SFSWAP: variants seen among roughly 807,000 people sequenced by gnomAD.
The protein encoded by SFSWAP is splicing factor SWAP.
A neutral mutation model predicts 100.7 loss-of-function variants in SFSWAP; 17 were observed. That is an observed-to-expected ratio of 0.17 (90% CI 0.12 to 0.25). SFSWAP has a LOEUF of 0.25. Ranked by LOEUF, SFSWAP falls within the 10% of genes least tolerant of loss-of-function variation. SFSWAP has a pLI of 1.00. For missense variants in SFSWAP, 1,005 were observed against 1,262.6 expected, an observed-to-expected ratio of 0.80 and a Z score of 3.09; for synonymous variants, 504 against 510.1, an observed-to-expected ratio of 0.99 and a Z score of 0.16.
Position 131,780,411 on chromosome 12 carries a change from G to A in SFSWAP, c.2408+2081G>A, listed in dbSNP as rs1884404906. 1.3e-5 allele frequency among the ~76,000 whole-genome samples: 2 copies of A among 152,222 alleles called. 1 individual carries two copies. Among genetic ancestry groups the A allele is most frequent in the South Asian group, 4.1e-4 (2 of 4,836 alleles). Reference sequence around the variant, plus strand: ...CACACCTGAAATTCCAGTGCTTTGGGAAGCCAAGATGAGAGGATCACTTTG... The same window carrying A: ...CACACCTGAAATTCCAGTGCTTTGGAAAGCCAAGATGAGAGGATCACTTTG... On this transcript the variant is annotated intron_variant, in intron 14 of 17. Coordinates refer to ENST00000261674, the MANE Select transcript of SFSWAP (RefSeq NM_004592.4).
chr12:131,737,026 A>G (rs1173445160), intron 7 of SFSWAP, among the ~76,000 whole-genome samples: 2 of 152,204 alleles, frequency 1.3e-5, no homozygotes, highest in African/African-American at 4.8e-5. Flanking sequence ...ACATAGCCAC[A>G]TAGATACTCA....
chr12:131,790,940 T>G (rs1885190409), intron 15 of SFSWAP, among the ~76,000 whole-genome samples: 1 of 152,214 alleles, frequency 6.6e-6, no homozygotes. Flanking sequence ...CTAGATGCTT[T>G]CTTAAATTCA....
intron 11 of SFSWAP, among the ~76,000 whole-genome samples, chr12:131,758,372 G>C (rs1234516024): frequency 6.7e-6 from 1 of 149,380 alleles, no homozygotes; most frequent in East Asian, 2.0e-4. Context: ...TGAGACACTT[G>C]AACAGAGATC....
chr12:131,732,099 G>A (rs929156878), intron 7 of SFSWAP, among the ~76,000 whole-genome samples: 1 of 151,536 alleles, frequency 6.6e-6, no homozygotes, highest in African/African-American at 2.4e-5. Context: ...TAGTAGAGAC[G>A]GGGTTTCACC....
chr12:131,759,199 G>T (rs1014145052), intron 11 of SFSWAP, among the ~76,000 whole-genome samples: 1 of 152,046 alleles, frequency 6.6e-6, no homozygotes, highest in African/African-American at 2.4e-5. Context: ...GAAAAATATC[G>T]CTTTCTAAGA....
In SFSWAP at chr12:131,730,424, T is replaced by G. The variant is rs1257422460; in HGVS notation, c.1081+1996T>G. ...TTCAGGGCGGGCTGACCTTGATTAT[T>G]TGCTGTGCTAATCACTGGTGGAAGA... On this transcript the variant is annotated intron_variant, in intron 7 of 17. Coordinates refer to ENST00000261674, the MANE Select transcript of SFSWAP (RefSeq NM_004592.4). This position sits in a 1 kb window ranked among gnomAD's most constrained non-coding sequence, Gnocchi z 4.0. 4.6e-5 allele frequency among the ~76,000 whole-genome samples: 7 copies of G among 152,234 alleles called. No homozygotes were observed. Among genetic ancestry groups the G allele is most frequent in the Admixed American group, 4.6e-4 (7 of 15,290 alleles).
At chr12:131,759,188 T>G (rs1252038331) in intron 11 of SFSWAP, among the ~76,000 whole-genome samples, 1 of 152,184 alleles carries the variant, frequency 6.6e-6, no homozygotes, top group Non-Finnish European at 1.5e-5. Context: ...TGAAAATCAG[T>G]GAAAAATATC....
chr12:131,782,096 T>C (rs1333188994), intron 14 of SFSWAP, among the ~76,000 whole-genome samples: 2 of 152,196 alleles, frequency 1.3e-5, no homozygotes, highest in Non-Finnish European at 2.9e-5. Context: ...GAGGATTCCT[T>C]GAGCCCAGGA....
intron 7 of SFSWAP, among the ~76,000 whole-genome samples, chr12:131,737,387 C>T (rs983645666): frequency 3.9e-5 from 6 of 152,204 alleles, no homozygotes; most frequent in African/African-American, 7.2e-5. Context: ...CTCACCTGCC[C>T]GTTTGCGCTG....
intron 15 of SFSWAP, chr12:131,796,957 C>T: frequency 2.1e-6 from 1 of 486,330 alleles, no homozygotes; most frequent in South Asian, 3.9e-5. Context: ...TCTTAAATAC[C>T]ACAAATATTT....
At position 131,754,417 on chromosome 12, in the gene SFSWAP, C is replaced by T; in HGVS notation, c.1372C>T (p.Pro458Ser). 1 of 1,601,862 alleles carries T rather than the reference C, an allele frequency of 6.2e-7. No homozygotes were observed. The highest frequency in any genetic ancestry group is 8.5e-7 in the Non-Finnish European group (1 of 1,175,752). ...AIIPPPPDVQ[P>S]VIDKLAEYVA... The stretch of plus-strand genomic sequence containing the variant: ...CATCCCCCCGCCCCCCGACGTCCAG[C>T]CCGTGATTGACAAGCTGGCCGAGTA... The change falls in exon 9 of 18, where the codon CCC becomes TCC. Residue 458 changes from proline (P) to serine (S), a missense_variant. Transcript: ENST00000261674.
chr12:131,790,721 A>G (rs1187601319), intron 15 of SFSWAP, among the ~76,000 whole-genome samples: 1 of 152,256 alleles, frequency 6.6e-6, no homozygotes, highest in Non-Finnish European at 1.5e-5. Flanking sequence ...TTGAGTTTCT[A>G]GTACTTAACA....
intron 11 of SFSWAP, chr12:131,757,560 T>C: frequency 6.6e-6 from 1 of 152,544 alleles, no homozygotes. Context: ...GGTGTGGCAG[T>C]GGGGTGAGGT....
At chr12:131,727,295 C>CATTAATGT (rs1879072328) in intron 6 of SFSWAP, among the ~76,000 whole-genome samples, 3 of 152,216 alleles carry the variant, frequency 2.0e-5, no homozygotes, top group African/African-American at 7.2e-5. Flanking sequence ...CATTTTATTA[C>CATTAATGT]AATTTTACTC....
Position 131,781,351 on chromosome 12 carries a change from T to C in SFSWAP, c.2408+3021T>C, listed in dbSNP as rs1023954974. On this transcript the variant is annotated intron_variant, in intron 14 of 17. Coordinates refer to ENST00000261674, the MANE Select transcript of SFSWAP (RefSeq NM_004592.4). ...CTCCCGGGTTCACACCATTCTCCTGTCTCAGCCTCCCGAGTAGCTGGGACT... is the reference window on the plus strand; with the variant it reads ...CTCCCGGGTTCACACCATTCTCCTGCCTCAGCCTCCCGAGTAGCTGGGACT... 2.6e-5 allele frequency among the ~76,000 whole-genome samples: 4 copies of C among 151,546 alleles called. 1 individual carries two copies. The South Asian group carries it at 8.4e-4, about 32-fold the overall frequency.
In SFSWAP at chr12:131,776,281, G is replaced by A. The variant is rs1593177330; in HGVS notation, c.2143-1784G>A. Among the ~76,000 whole-genome samples the A allele has an allele frequency of 2.0e-5, 3 of 152,242 alleles. 1 individual carries two copies. Among genetic ancestry groups the A allele is most frequent in the South Asian group, 4.1e-4 (2 of 4,826 alleles). The stretch of plus-strand genomic sequence containing the variant: ...AGACTTAAAGATGAACCTCATAGCG[G>A]CCATCAGATCCCAAGGAGGAATTCA... On this transcript the variant is annotated intron_variant, in intron 13 of 17. Transcript: ENST00000261674.
chr12:131,756,500 A>G lies in SFSWAP; in HGVS notation c.1576A>G (p.Thr526Ala), dbSNP rs1022690781. Residue 526 changes from threonine to alanine, a missense_variant, in exon 11 of 18, where the codon ACA (threonine) becomes GCA (alanine). Around this residue, in one of 7 missense-constraint regions of SFSWAP, gnomAD observed 311 missense variants for 317.8 expected, o/e 0.98. Transcript: ENST00000261674. The stretch of plus-strand genomic sequence containing the variant: ...TGTGTCTGCACCAGAAGAGGCTCCC[A>G]CAGACTCTGCTCCCGAGAAGCCAAG... ...QAVSAPEEAPTDSAPEKPSDA... is the reference protein window; with the variant it reads ...QAVSAPEEAPADSAPEKPSDA... The G allele has an allele frequency of 2.5e-6, 4 of 1,613,974 alleles. No individual in the cohort carries two copies. In the African/African-American group the frequency reaches 4.0e-5, roughly 16 times the overall value.
intron 14 of SFSWAP, chr12:131,785,627 A>G (rs1884836467): frequency 6.1e-6 from 1 of 164,080 alleles, no homozygotes; most frequent in Admixed American, 6.0e-5. Context: ...GCCTCCACTA[A>G]AGAGCATCAC....
intron 14 of SFSWAP, among the ~76,000 whole-genome samples, chr12:131,779,688 G>A (rs1884343236): frequency 6.6e-6 from 1 of 152,102 alleles, no homozygotes; most frequent in Admixed American, 6.5e-5. Context: ...ACATGCCTTG[G>A]GAGCTTTACG....
Sources: gnomAD v4.1 joint callset for allele counts (sites outside exome capture counted in the v4.1 genomes callset) on GRCh38, gnomAD v4.1.1 for gene constraint, gnomAD v4.1.1 regional missense constraint, Gnocchi (gnomAD v3.1) non-coding constraint, MANE v1.5 for transcripts, NCBI Gene and HGNC (gene_info 2026-07-23, HGNC 2026-07-21) for gene names.